AUH: variants seen among roughly 807,000 people sequenced by gnomAD.
The protein encoded by AUH is AU RNA binding methylglutaconyl-CoA hydratase.
A neutral mutation model predicts 42.3 loss-of-function variants in AUH; 29 were observed. The observed-to-expected ratio is 0.69, with a 90% CI of 0.51 to 0.93. The LOEUF is 0.93. AUH is among the 40% of genes least tolerant of loss of function. The pLI, the probability that AUH is intolerant of heterozygous loss-of-function variation, is 0.00. For synonymous variants in AUH, 174 were observed against 166.4 expected, an observed-to-expected ratio of 1.05 and a Z score of -0.35; for missense variants, 452 against 438.1, an observed-to-expected ratio of 1.03 and a Z score of -0.28.
intron 4 of AUH, among the ~76,000 whole-genome samples, chr9:91,312,010 CTT>C (rs57982846): frequency 9.8e-5 from 14 of 142,894 alleles, no homozygotes; most frequent in African/African-American, 1.0e-4. Flanking sequence ...AGTCACATGA[CTT>C]TTTTTTTTTT....
chr9:91,234,254 G>A (rs895650720), intron 6 of AUH, among the ~76,000 whole-genome samples: 8 of 152,170 alleles, frequency 5.3e-5, no homozygotes, highest in South Asian at 2.1e-4. Context: ...CTGGACAGGC[G>A]TCTACATCAG....
chr9:91,358,672 C>G (rs1465215868), intron 1 of AUH, among the ~76,000 whole-genome samples: 1 of 152,200 alleles, frequency 6.6e-6, no homozygotes, highest in Non-Finnish European at 1.5e-5. Context: ...ATAATTTCTG[C>G]TAGATATGAT....
intron 6 of AUH, among the ~76,000 whole-genome samples, chr9:91,285,028 C>T (rs1181704792): frequency 1.3e-5 from 2 of 152,130 alleles, no homozygotes; most frequent in Non-Finnish European, 1.5e-5. Context: ...TATTGCGGCA[C>T]TATTCACAAT....
intron 6 of AUH, among the ~76,000 whole-genome samples, chr9:91,288,207 A>C (rs950986085): frequency 6.6e-6 from 1 of 152,154 alleles, no homozygotes; most frequent in African/African-American, 2.4e-5. Flanking sequence ...AAGAGGTAAG[A>C]ACAAAGAGCG....
rs561261506 is a variant in AUH, at chr9:91,355,497, C to T, written c.418+386G>A. Among the ~76,000 whole-genome samples the T allele has an allele frequency of 2.8e-4, 42 of 151,348 alleles. No individual in the cohort carries two copies. The South Asian group carries it at 8.1e-3, about 29-fold the overall frequency. On this transcript the variant is annotated intron_variant, in intron 3 of 9. Coordinates refer to ENST00000375731, the MANE Select transcript of AUH (RefSeq NM_001698.3). The stretch of plus-strand genomic sequence containing the variant: ...ACTTGAACTGGGGAGACGAGGGTTG[C>T]AGTAAGCGAAGATCACGCCACTGCA...
At chr9:91,239,699 G>A (rs932033740) in intron 6 of AUH, among the ~76,000 whole-genome samples, 38 of 152,118 alleles carry the variant, frequency 2.5e-4, no homozygotes, top group Non-Finnish European at 5.6e-4. Context: ...GTGTTGTAAT[G>A]CTTCCTATTC....
intron 6 of AUH, among the ~76,000 whole-genome samples, chr9:91,284,656 A>G (rs1266394980): frequency 6.6e-6 from 1 of 152,232 alleles, no homozygotes; most frequent in African/African-American, 2.4e-5. Context: ...TAGGCGAAGG[A>G]TATGAACAGA....
chr9:91,229,963 G>A (rs1160446392), intron 6 of AUH, among the ~76,000 whole-genome samples: 6 of 152,020 alleles, frequency 3.9e-5, no homozygotes, highest in East Asian at 1.9e-4. Context: ...AGGGTAACCC[G>A]ACCTTTCTCT....
At chr9:91,265,250 G>A (rs923766889) in intron 6 of AUH, among the ~76,000 whole-genome samples, 2 of 147,864 alleles carry the variant, frequency 1.4e-5, no homozygotes, top group Middle Eastern at 6.7e-3. Context: ...AACCTCAGAG[G>A]TTAATTCCCC....
At chr9:91,291,263 G>A (rs1016232509) in intron 6 of AUH, among the ~76,000 whole-genome samples, 13 of 151,608 alleles carry the variant, frequency 8.6e-5, no homozygotes, top group Non-Finnish European at 1.5e-4. Context: ...TTAATTACAC[G>A]TGCAAGATGC....
intron 7 of AUH, among the ~76,000 whole-genome samples, chr9:91,217,627 T>C (rs1826899193): frequency 6.6e-6 from 1 of 152,142 alleles, no homozygotes; most frequent in Non-Finnish European, 1.5e-5. Flanking sequence ...CAACACTTCC[T>C]AGAAGTTAAG....
intron 4 of AUH, among the ~76,000 whole-genome samples, chr9:91,322,926 C>T (rs780850577): frequency 3.9e-5 from 6 of 152,230 alleles, no homozygotes; most frequent in Non-Finnish European, 8.8e-5. Context: ...ATAAGGCAAA[C>T]GCTAACATAC....
rs539554113 is a variant in AUH, at chr9:91,344,950, AAT to A, written c.418+10931_418+10932del. On this transcript the variant is annotated intron_variant, in intron 3 of 9. Transcript: ENST00000375731. Reference sequence around the variant, plus strand: ...TCACCATATTGACAGGCTGAAAAATAATATGAGAATCTTAATAGATGCCAAAA... The same window carrying A: ...TCACCATATTGACAGGCTGAAAAATAATGAGAATCTTAATAGATGCCAAAA... Among the ~76,000 whole-genome samples, 43 of 152,294 alleles carry A rather than the reference AAT, an allele frequency of 2.8e-4. 1 individual carries two copies. The South Asian group carries it at 6.6e-3, about 23-fold the overall frequency.
rs1208447325 is a variant in AUH at position 91,243,732 on chromosome 9, G to A, written c.656-22740C>T. Among the ~76,000 whole-genome samples, 4 of 152,346 alleles carry A rather than the reference G, an allele frequency of 2.6e-5. No individual in the cohort carries two copies. In the East Asian group the frequency reaches 5.8e-4, roughly 22 times the overall value. ...GGTCTCCTGCTGGAGATCAGCCCGGGTGGAGCAGCCCACTTTTTTTTTTCT... is the reference window on the plus strand; with the variant it reads ...GGTCTCCTGCTGGAGATCAGCCCGGATGGAGCAGCCCACTTTTTTTTTTCT... On this transcript the variant is annotated intron_variant, in intron 6 of 9. Transcript: ENST00000375731.
intron 6 of AUH, among the ~76,000 whole-genome samples, chr9:91,238,890 T>C (rs1046991602): frequency 3.3e-5 from 5 of 152,222 alleles, no homozygotes; most frequent in Admixed American, 2.6e-4. Context: ...TTCAATGCCA[T>C]GGGGAGATGT....
chr9:91,230,367 T>C (rs1216721598), intron 6 of AUH, among the ~76,000 whole-genome samples: 1 of 152,174 alleles, frequency 6.6e-6, no homozygotes, highest in Non-Finnish European at 1.5e-5. Flanking sequence ...GCTTCTGCAT[T>C]CTTCACGTAG....
At chr9:91,294,067 C>G (rs1222269627) in intron 6 of AUH, among the ~76,000 whole-genome samples, 1 of 152,172 alleles carries the variant, frequency 6.6e-6, no homozygotes, top group African/African-American at 2.4e-5. Flanking sequence ...AATACTAAAG[C>G]CCACTGCTGA....
At chr9:91,300,336 A>G (rs1455814622) in intron 4 of AUH, among the ~76,000 whole-genome samples, 2 of 152,136 alleles carry the variant, frequency 1.3e-5, no homozygotes, top group African/African-American at 2.4e-5. Flanking sequence ...ACCCACTTAA[A>G]TACTTCATGT....
intron 4 of AUH, among the ~76,000 whole-genome samples, chr9:91,312,280 T>C (rs1319689330): frequency 6.6e-6 from 1 of 152,142 alleles, no homozygotes; most frequent in Non-Finnish European, 1.5e-5. Context: ...GCCTTTCAGA[T>C]CCCATCAATT....
Sources: allele counts gnomAD v4.1 joint callset (sites outside exome capture counted in the v4.1 genomes callset), GRCh38; gene constraint gnomAD v4.1.1; transcripts MANE v1.5; gene names NCBI Gene and HGNC (gene_info 2026-07-23, HGNC 2026-07-21).